The following CLDN10 variants were observed in gnomAD, a reference collection of about 807,000 sequenced individuals.
The protein encoded by CLDN10 is claudin-10.
CLDN10 carries 15 observed loss-of-function variants against 22.9 expected under a neutral mutation model. The ratio of observed to expected loss-of-function variants is 0.65; its 90% CI spans 0.44 to 1.01. The LOEUF (loss-of-function observed/expected upper bound fraction) is 1.01. Ranked by LOEUF, CLDN10 falls within the 50% of genes least tolerant of loss-of-function variation. CLDN10 has a pLI of 0.00. For synonymous variants in CLDN10, 114 were observed against 111.4 expected (o/e 1.02, Z -0.15); for missense variants, 247 against 287.8 (o/e 0.86, Z 1.03).
In CLDN10 at chr13:95,577,914, G is replaced by C; in HGVS notation, c.587G>C (p.Gly196Ala). 3.1e-6 allele frequency: 5 copies of C among 1,612,494 alleles called. No individual in the cohort carries two copies. The highest frequency in any genetic ancestry group is 4.2e-6 in the Non-Finnish European group (5 of 1,178,760). Residue 196 changes from glycine to alanine, a missense_variant, in exon 5 of 5, where the codon GGG becomes GCG. Transcript: ENST00000299339. Reference sequence around the variant, plus strand: ...TTACCTTTCAGATACACATACAACGGGGCCACATCTGTCATGTCTTCTCGG... The same window carrying C: ...TTACCTTTCAGATACACATACAACGCGGCCACATCTGTCATGTCTTCTCGG... ...NNKTPRYTYN[G>A]ATSVMSSRTK...
chr13:95,548,464 TTTATAG>T (rs1049860332), upstream of CLDN10, among the ~76,000 whole-genome samples: 4 of 152,164 alleles, frequency 2.6e-5, no homozygotes, highest in African/African-American at 9.7e-5. Flanking sequence ...GGCAACTGTT[TTTATAG>T]TTATAATTTG....
intron 1 of CLDN10, among the ~76,000 whole-genome samples, chr13:95,529,607 T>A (rs1445522236): frequency 6.6e-6 from 1 of 152,210 alleles, no homozygotes; most frequent in Non-Finnish European, 1.5e-5. Context: ...TTTGGCTTCA[T>A]GAGGTAGTAT....
chr13:95,520,711 G>A (rs2043215893), intron 1 of CLDN10, among the ~76,000 whole-genome samples: 1 of 152,132 alleles, frequency 6.6e-6, no homozygotes, highest in South Asian at 2.1e-4. Flanking sequence ...GGGCGGGCGT[G>A]GTGGCTCACA....
intron 1 of CLDN10, among the ~76,000 whole-genome samples, chr13:95,441,663 T>A (rs2042325744): frequency 6.6e-6 from 1 of 152,190 alleles, no homozygotes; most frequent in Non-Finnish European, 1.5e-5. Context: ...AAATGCAGAA[T>A]CTCAGGCCCC....
intron 4 of CLDN10, among the ~76,000 whole-genome samples, chr13:95,577,637 G>A (rs1336170251): frequency 6.6e-6 from 1 of 152,188 alleles, no homozygotes; most frequent in South Asian, 2.1e-4. Flanking sequence ...CTAGCTTCCA[G>A]GAGGGTGAGT....
intron 1 of CLDN10, among the ~76,000 whole-genome samples, chr13:95,498,140 G>A (rs2138531699): frequency 6.6e-6 from 1 of 152,334 alleles, no homozygotes; most frequent in South Asian, 2.1e-4. Flanking sequence ...CTGAAGGTCA[G>A]TGTGTGACCT....
At chr13:95,516,991 C>G (rs1487482284) in intron 1 of CLDN10, among the ~76,000 whole-genome samples, 1 of 76,292 alleles carries the variant, frequency 1.3e-5, no homozygotes. Flanking sequence ...TCCTTCCTTC[C>G]TTCCTTCCTT....
At chr13:95,518,341 C>T (rs1033953) in intron 1 of CLDN10, among the ~76,000 whole-genome samples, 131,446 of 152,206 alleles carry the variant, frequency 0.86, 56,958 homozygotes, top group East Asian at 0.96. Context: ...CCTAGAAAAA[C>T]TGATGATCTA....
At position 95,577,252 on chromosome 13, in the gene CLDN10, G is replaced by GT. The variant is rs2043946469; in HGVS notation, c.489dup (p.Ile164TyrfsTer22). The GT allele has an allele frequency of 6.2e-7, 1 of 1,614,062 alleles. No individual in the cohort carries two copies. Among genetic ancestry groups the GT allele is most frequent in the Non-Finnish European group, 8.5e-7 (1 of 1,179,900 alleles). On this transcript the variant is annotated frameshift_variant, in exon 4 of 5. Coordinates refer to ENST00000299339, the MANE Select transcript of CLDN10 (RefSeq NM_006984.5). LOFTEE classifies it high-confidence loss of function. The stretch of plus-strand genomic sequence containing the variant: ...ACAGGTATGAATTAGGAGCCGCTCT[G>GT]TTTATTGGATGGGCAGGAGCCTCAC...
chr13:95,525,159 A>G (rs1254425930), intron 1 of CLDN10, among the ~76,000 whole-genome samples: 1 of 152,060 alleles, frequency 6.6e-6, no homozygotes, highest in Admixed American at 6.5e-5. Flanking sequence ...CTCCTGGCCT[A>G]TTTGTACTCT....
At chr13:95,510,912 A>G (rs2043089991) in intron 1 of CLDN10, among the ~76,000 whole-genome samples, 1 of 152,206 alleles carries the variant, frequency 6.6e-6, no homozygotes, top group Admixed American at 6.6e-5. Context: ...CAAGTTATTC[A>G]GGCCTCAGTC....
At chr13:95,437,324 A>C (rs533938880) in intron 1 of CLDN10, among the ~76,000 whole-genome samples, 7 of 152,364 alleles carry the variant, frequency 4.6e-5, no homozygotes, top group Admixed American at 3.9e-4. Context: ...TTGGAGCCTG[A>C]AAGCTTGATT....
At chr13:95,560,714 C>A (rs189097534) in intron 3 of CLDN10, 11 of 468,762 alleles carry the variant, frequency 2.3e-5, no homozygotes, top group Non-Finnish European at 3.8e-5. Context: ...CTATAAACTT[C>A]ATCGTTTGCT....
intron 1 of CLDN10, among the ~76,000 whole-genome samples, chr13:95,546,524 A>G (rs191026071): frequency 6.6e-6 from 1 of 152,314 alleles, no homozygotes; most frequent in Admixed American, 6.5e-5. Flanking sequence ...AACTCTCAAA[A>G]TGAAGCACTA....
chr13:95,471,510 T>C (rs1307003852), intron 1 of CLDN10, among the ~76,000 whole-genome samples: 1 of 147,784 alleles, frequency 6.8e-6, no homozygotes, highest in African/African-American at 2.5e-5. Context: ...TGGAGGGCAG[T>C]GGTGTGATCT....
At chr13:95,458,009 A>C (rs2139085750) in intron 1 of CLDN10, among the ~76,000 whole-genome samples, 1 of 152,252 alleles carries the variant, frequency 6.6e-6, no homozygotes, top group South Asian at 2.1e-4. Flanking sequence ...AACTGGACTC[A>C]ACTTATGCAC....
upstream of CLDN10, chr13:95,552,623 T>C (rs930393851): frequency 1.4e-5 from 17 of 1,179,684 alleles, no homozygotes; most frequent in Admixed American, 4.4e-4. Flanking sequence ...TGGCGCCGGG[T>C]CCGCTGGGCG....
intron 1 of CLDN10, among the ~76,000 whole-genome samples, chr13:95,468,682 C>T (rs888775697): frequency 1.1e-4 from 16 of 151,930 alleles, no homozygotes; most frequent in Non-Finnish European, 1.6e-4. Context: ...GCCAAGATCA[C>T]GCCACTGCAC....
intron 3 of CLDN10, 79 bp downstream of exon 3, chr13:95,560,542 T>C (rs1330180136): frequency 8.6e-7 from 1 of 1,157,054 alleles, no homozygotes; most frequent in Admixed American, 2.0e-5. Context: ...GACATGAATT[T>C]CCTATATGAC....
Sources: gnomAD v4.1 joint callset for allele counts (sites outside exome capture counted in the v4.1 genomes callset) on GRCh38, gnomAD v4.1.1 for gene constraint, MANE v1.5 for transcripts, NCBI Gene and HGNC (gene_info 2026-07-23, HGNC 2026-07-21) for gene names.